The following TEAD1 variants were observed in gnomAD, a reference collection of about 807,000 sequenced individuals.
The protein encoded by TEAD1 is transcriptional enhancer factor TEF-1.
Under a neutral mutation model 54.9 loss-of-function variants are expected in TEAD1, and 9 were observed. That is an observed-to-expected ratio of 0.16 (90% CI 0.10 to 0.29). The LOEUF is 0.29. TEAD1 is among the 10% of genes least tolerant of loss of function. The pLI, the probability that TEAD1 is intolerant of heterozygous loss-of-function variation, is 1.00. For synonymous variants in TEAD1, 200 were observed against 187.8 expected (o/e 1.07, Z -0.53); for missense variants, 387 against 535.9 (o/e 0.72, Z 2.74).
At chr11:12,682,211 A>G (rs1311638447) in intron 2 of TEAD1, among the ~76,000 whole-genome samples, 1 of 152,342 alleles carries the variant, frequency 6.6e-6, no homozygotes, top group African/African-American at 2.4e-5. Flanking sequence ...GTACCTAGGA[A>G]CATAGGCTGA....
intron 3 of TEAD1, among the ~76,000 whole-genome samples, chr11:12,846,410 A>G (rs550358041): frequency 2.6e-5 from 4 of 152,236 alleles, no homozygotes; most frequent in Admixed American, 6.5e-5. Context: ...GGAACCTTCT[A>G]TCCACACAAG....
intron 5 of TEAD1, 195 bp downstream of exon 5, chr11:12,865,095 G>A (rs1459480850): frequency 1.6e-5 from 11 of 678,156 alleles, no homozygotes; most frequent in Non-Finnish European, 2.7e-5. Flanking sequence ...GTGTGAGCGC[G>A]TGTGTGTGTT....
At chr11:12,888,837 T>A (rs1948140771) in intron 9 of TEAD1, among the ~76,000 whole-genome samples, 1 of 152,192 alleles carries the variant, frequency 6.6e-6, no homozygotes, top group Non-Finnish European at 1.5e-5. Flanking sequence ...TGACTCCACA[T>A]CCTGAGATAG....
chr11:12,690,554 A>G (rs1478331482), intron 2 of TEAD1, among the ~76,000 whole-genome samples: 1 of 152,026 alleles, frequency 6.6e-6, no homozygotes, highest in Non-Finnish European at 1.5e-5. Flanking sequence ...TTTCCTATAA[A>G]TGGGAAATTT....
intron 3 of TEAD1, among the ~76,000 whole-genome samples, chr11:12,771,212 C>T (rs1945304698): frequency 6.6e-6 from 1 of 152,148 alleles, no homozygotes; most frequent in Non-Finnish European, 1.5e-5. Context: ...GGTACAGGAG[C>T]CAGCATTGTG....
chr11:12,909,509 T>C (rs189020249), intron 10 of TEAD1, among the ~76,000 whole-genome samples: 1 of 145,744 alleles, frequency 6.9e-6, no homozygotes, highest in East Asian at 2.1e-4. Context: ...GAACATCACA[T>C]ACCAGGGCCT....
chr11:12,723,987 A>G (rs752881892), intron 2 of TEAD1, among the ~76,000 whole-genome samples: 2 of 152,168 alleles, frequency 1.3e-5, no homozygotes, highest in East Asian at 1.9e-4. Context: ...ACTCTCCTAT[A>G]CATACCATGG....
intron 12 of TEAD1, among the ~76,000 whole-genome samples, chr11:12,932,372 G>C (rs554553823): frequency 6.6e-6 from 1 of 152,180 alleles, no homozygotes; most frequent in South Asian, 2.1e-4. Flanking sequence ...GTGGCCTCAG[G>C]AATTAACCAA....
At chr11:12,811,417 C>T (rs1378348746) in intron 3 of TEAD1, among the ~76,000 whole-genome samples, 1 of 152,226 alleles carries the variant, frequency 6.6e-6, no homozygotes, top group Non-Finnish European at 1.5e-5. Flanking sequence ...AAATAAGCCA[C>T]TAAGCCCCCT....
chr11:12,734,859 A>G (rs1288427420), intron 2 of TEAD1, among the ~76,000 whole-genome samples: 2 of 152,356 alleles, frequency 1.3e-5, no homozygotes, highest in South Asian at 2.1e-4. Context: ...TTTGTTAAGC[A>G]ACATGTGACT....
intron 4 of TEAD1, among the ~76,000 whole-genome samples, chr11:12,864,191 A>G (rs1465567797): frequency 6.6e-6 from 1 of 152,186 alleles, no homozygotes; most frequent in Admixed American, 6.5e-5. Flanking sequence ...TGAGATCAGA[A>G]TACAACCAAC....
At position 12,688,128 on chromosome 11, in the gene TEAD1, G is replaced by C. The variant is rs150565735; in HGVS notation, c.-55+12567G>C. On this transcript the variant is annotated intron_variant, in intron 2 of 12. Coordinates refer to ENST00000527636, the MANE Select transcript of TEAD1 (RefSeq NM_021961.6). ...CCTTGACTTCACTTTTTGAGAATGG[G>C]AGTGCTTGGGAACCTGCTGAGATGG... Among the ~76,000 whole-genome samples, 586 of 152,276 alleles carry C rather than the reference G, an allele frequency of 3.8e-3. 2 individuals carry two copies. Among genetic ancestry groups the C allele is most frequent in the African/African-American group, 0.013 (557 of 41,562 alleles).
intron 3 of TEAD1, among the ~76,000 whole-genome samples, chr11:12,804,209 A>G (rs935308022): frequency 2.6e-5 from 4 of 152,218 alleles, no homozygotes; most frequent in Non-Finnish European, 5.9e-5. Context: ...TTATGGGAGC[A>G]AGTGCTTTCC....
chr11:12,683,942 C>T (rs1943278141), intron 2 of TEAD1, among the ~76,000 whole-genome samples: 1 of 152,212 alleles, frequency 6.6e-6, no homozygotes, highest in African/African-American at 2.4e-5. Context: ...GTGTCCCCAT[C>T]TATAAATTTC....
intron 3 of TEAD1, among the ~76,000 whole-genome samples, chr11:12,844,765 G>A (rs1356789521): frequency 6.6e-6 from 1 of 152,030 alleles, no homozygotes; most frequent in Non-Finnish European, 1.5e-5. Flanking sequence ...GCCCTTTGTA[G>A]GCAGGGCTTA....
intron 2 of TEAD1, among the ~76,000 whole-genome samples, chr11:12,722,430 AT>A (rs1243994200): frequency 6.6e-6 from 1 of 152,176 alleles, no homozygotes; most frequent in African/African-American, 2.4e-5. Flanking sequence ...TGAATAGGTC[AT>A]CCGGTAACAT....
chr11:12,776,894 AAGTGATTCTCCTGCCTCAGCCTCCGC>A (rs1336161618), intron 3 of TEAD1, among the ~76,000 whole-genome samples: 1 of 151,598 alleles, frequency 6.6e-6, no homozygotes, highest in Non-Finnish European at 1.5e-5. Context: ...TCCCGGGTTC[AAGTGATTCTCCTGCCTCAGCCTCCGC>A]AGTGGCTGGG....
intron 2 of TEAD1, among the ~76,000 whole-genome samples, chr11:12,690,157 G>T (rs1342498093): frequency 6.6e-6 from 1 of 151,464 alleles, no homozygotes; most frequent in African/African-American, 2.4e-5. Flanking sequence ...CAGGAGAATG[G>T]CGTGAACCCA....
chr11:12,720,659 T>C (rs1944175873), intron 2 of TEAD1, among the ~76,000 whole-genome samples: 1 of 152,196 alleles, frequency 6.6e-6, no homozygotes, highest in Admixed American at 6.5e-5. Flanking sequence ...CTTGACTAGA[T>C]TGAGGTGCTA....
Sources: allele counts gnomAD v4.1 joint callset (sites outside exome capture counted in the v4.1 genomes callset), GRCh38; gene constraint gnomAD v4.1.1; transcripts MANE v1.5; gene names NCBI Gene and HGNC (gene_info 2026-07-23, HGNC 2026-07-21).